Variants in ZMIZ1 observed in about 807,000 individuals in gnomAD.
The protein encoded by ZMIZ1 is zinc finger MIZ-type containing 1.
ZMIZ1 carries 17 observed loss-of-function variants against 113.9 expected under a neutral mutation model. The observed-to-expected ratio is 0.15, with a 90% CI of 0.10 to 0.22. The LOEUF (loss-of-function observed/expected upper bound fraction) is 0.22, where lower values mean the gene tolerates loss of function less well. ZMIZ1 is among the 10% of genes least tolerant of loss of function. ZMIZ1 has a pLI of 1.00. For synonymous variants in ZMIZ1, 607 were observed against 603.1 expected (o/e 1.01, Z -0.09); for missense variants, 1,059 against 1,477.8 (o/e 0.72, Z 4.65).
intron 1 of ZMIZ1, among the ~76,000 whole-genome samples, chr10:79,070,836 GCCTCCCTCCCTC>G (rs34754058): frequency 6.7e-6 from 1 of 150,074 alleles, no homozygotes; most frequent in Non-Finnish European, 1.5e-5. Context: ...CTGCCCGCCT[GCCTCCCTCCCTC>G]CCTCCCTCCC....
chr10:79,201,217 AGAATCGCTT>A (rs1303794579), intron 4 of ZMIZ1, among the ~76,000 whole-genome samples: 1 of 152,202 alleles, frequency 6.6e-6, no homozygotes, highest in African/African-American at 2.4e-5. Flanking sequence ...CTGAGGCAGG[AGAATCGCTT>A]GAACCTGGGA....
At chr10:79,283,902 ACTG>A (rs1852896008) in intron 8 of ZMIZ1, among the ~76,000 whole-genome samples, 1 of 152,240 alleles carries the variant, frequency 6.6e-6, no homozygotes, top group Non-Finnish European at 1.5e-5. Flanking sequence ...TCAGCTCCTC[ACTG>A]GCTTGGCATT....
chr10:79,228,210 A>T lies in ZMIZ1; in HGVS notation c.280+11936A>T, dbSNP rs192497260. 1.1e-3 allele frequency among the ~76,000 whole-genome samples: 162 copies of T among 152,370 alleles called. 1 individual carries two copies. The highest frequency in any genetic ancestry group is 3.4e-3 in the Middle Eastern group (1 of 294). ...ATGCATTGCAGCTGGGTATTTTATG[A>T]TCCTCATGAGAATCCAACCCATTCT... On this transcript the variant is annotated intron_variant, in intron 7 of 24. Coordinates refer to ENST00000334512, the MANE Select transcript of ZMIZ1 (RefSeq NM_020338.4).
chr10:79,276,589 G>C (rs1852307365), intron 7 of ZMIZ1, among the ~76,000 whole-genome samples: 1 of 152,154 alleles, frequency 6.6e-6, no homozygotes, highest in African/African-American at 2.4e-5. Flanking sequence ...CCAACCGTGG[G>C]TGTGACCAGA....
At chr10:79,103,686 G>GCA (rs997894179) in intron 1 of ZMIZ1, among the ~76,000 whole-genome samples, 15 of 152,182 alleles carry the variant, frequency 9.9e-5, no homozygotes, top group African/African-American at 3.6e-4. Flanking sequence ...GCTGCATGGG[G>GCA]CACACCAGGC....
intron 3 of ZMIZ1, among the ~76,000 whole-genome samples, chr10:79,147,515 C>T (rs1845539697): frequency 6.6e-6 from 1 of 152,174 alleles, no homozygotes; most frequent in African/African-American, 2.4e-5. Context: ...ATTATTAGCA[C>T]CTACTGTGTG....
chr10:79,117,329 C>T (rs71479650), intron 1 of ZMIZ1, among the ~76,000 whole-genome samples: 8,054 of 152,350 alleles, frequency 0.053, 312 homozygotes, highest in Non-Finnish European at 0.088. Context: ...TCATCTATTA[C>T]AGGCGTAGAG....
intron 8 of ZMIZ1, among the ~76,000 whole-genome samples, chr10:79,280,581 G>T (rs4993728): frequency 0.32 from 47,409 of 148,454 alleles, 7,874 homozygotes; most frequent in East Asian, 0.45. Context: ...GTCTGACACA[G>T]GGGTAATTTT....
At chr10:79,232,535 C>T (rs890657605) in intron 7 of ZMIZ1, among the ~76,000 whole-genome samples, 4 of 152,088 alleles carry the variant, frequency 2.6e-5, no homozygotes, top group South Asian at 2.1e-4. Context: ...GCCCAAGCCC[C>T]AGTTTAATCT....
At chr10:79,085,288 G>C (rs1234699657) in intron 1 of ZMIZ1, among the ~76,000 whole-genome samples, 1 of 152,108 alleles carries the variant, frequency 6.6e-6, no homozygotes, top group Non-Finnish European at 1.5e-5. Context: ...GGTTCTGGGG[G>C]CTCAGCACCA....
chr10:79,282,725 C>T (rs1182914831), intron 8 of ZMIZ1, among the ~76,000 whole-genome samples: 2 of 152,238 alleles, frequency 1.3e-5, no homozygotes, highest in Non-Finnish European at 2.9e-5. Flanking sequence ...GCTGCCATAG[C>T]CCCGCAGCTA....
chr10:79,266,529 T>C (rs1028553462), intron 7 of ZMIZ1, among the ~76,000 whole-genome samples: 2 of 152,180 alleles, frequency 1.3e-5, no homozygotes, highest in Admixed American at 6.5e-5. Flanking sequence ...GGTTAGATCC[T>C]CATCCACAGC....
At chr10:79,177,392 C>T (rs567806187) in intron 4 of ZMIZ1, among the ~76,000 whole-genome samples, 1 of 152,366 alleles carries the variant, frequency 6.6e-6, no homozygotes, top group African/African-American at 2.4e-5. Context: ...CCCCAGACAG[C>T]ACCCCTCTAA....
chr10:79,301,007 G>A (rs747085127), intron 17 of ZMIZ1, 65 bp downstream of exon 17: 23 of 1,579,152 alleles, frequency 1.5e-5, no homozygotes, highest in East Asian at 4.5e-5. Flanking sequence ...ATGAGAGTGC[G>A]GAATACCCTG....
chr10:79,188,094 T>C (rs1847424072), intron 4 of ZMIZ1, among the ~76,000 whole-genome samples: 1 of 152,246 alleles, frequency 6.6e-6, no homozygotes, highest in Non-Finnish European at 1.5e-5. Flanking sequence ...ATACCAAATA[T>C]GCTGCCTGAC....
At position 79,227,072 on chromosome 10, in the gene ZMIZ1, C is replaced by T. The variant is rs1009961943; in HGVS notation, c.280+10798C>T. 2.6e-5 allele frequency among the ~76,000 whole-genome samples: 4 copies of T among 152,178 alleles called. No individual in the cohort carries two copies. In the East Asian group the frequency reaches 5.8e-4, roughly 22 times the overall value. ...GATAAATAAAATAATTTGACCAGGG[C>T]TTTCTGGCCAAAAAGAGCCAAAATT... On this transcript the variant is annotated intron_variant, in intron 7 of 24. Transcript: ENST00000334512.
At chr10:79,201,784 G>T in intron 5 of ZMIZ1, 92 bp downstream of exon 5, 3 of 1,420,606 alleles carry the variant, frequency 2.1e-6, no homozygotes. Flanking sequence ...GGAGACGATG[G>T]CAGGGCCTCC....
chr10:79,082,926 A>C (rs1307238666), intron 1 of ZMIZ1, among the ~76,000 whole-genome samples: 1 of 152,096 alleles, frequency 6.6e-6, no homozygotes, highest in African/African-American at 2.4e-5. Flanking sequence ...GGGAGGGCAG[A>C]GTCTGGGGTC....
chr10:79,248,150 A>T (rs149824929), intron 7 of ZMIZ1, among the ~76,000 whole-genome samples: 21 of 152,122 alleles, frequency 1.4e-4, no homozygotes, highest in African/African-American at 4.6e-4. Context: ...AATTAGATGA[A>T]CAGAGGCCTA....
Sources: allele counts gnomAD v4.1 joint callset (sites outside exome capture counted in the v4.1 genomes callset), GRCh38; gene constraint gnomAD v4.1.1; transcripts MANE v1.5; gene names NCBI Gene and HGNC (gene_info 2026-07-23, HGNC 2026-07-21).